Variants in MAEA observed in about 807,000 individuals in gnomAD.
MAEA encodes the protein macrophage erythroblast attacher, E3 ubiquitin ligase, also known as E3 ubiquitin-protein transferase MAEA.
Under a neutral mutation model 46.2 loss-of-function variants are expected in MAEA, and 22 were observed. The observed-to-expected ratio is 0.48, with a 90% CI of 0.34 to 0.68. MAEA has a LOEUF of 0.68. MAEA is among the 30% of genes least tolerant of loss of function. MAEA has a pLI of 0.01. For synonymous variants in MAEA, 246 were observed against 222.6 expected (o/e 1.11, Z -0.94); for missense variants, 393 against 558.1 (o/e 0.70, Z 2.98).
At chr4:1,327,788 GTCCTGGGACGTC>G in intron 5 of MAEA, 85 bp downstream of exon 5, 2 of 1,165,456 alleles carry the variant, frequency 1.7e-6, no homozygotes, top group East Asian at 4.8e-5. Flanking sequence ...CGTGGTCTGG[GTCCTGGGACGTC>G]CCCTGGGTCG....
chr4:1,300,427 C>G (rs769896520), intron 1 of MAEA, among the ~76,000 whole-genome samples: 2 of 152,194 alleles, frequency 1.3e-5, no homozygotes, highest in African/African-American at 2.4e-5. Flanking sequence ...ACAGCTGGCT[C>G]CCTTTGAAAT....
At chr4:1,318,786 C>G (rs1737643727) in intron 3 of MAEA, among the ~76,000 whole-genome samples, 1 of 152,138 alleles carries the variant, frequency 6.6e-6, no homozygotes, top group Non-Finnish European at 1.5e-5. Context: ...ACGTGGGACC[C>G]CAGTTTCCTA....
At chr4:1,310,053 T>C (rs2108900984) in intron 1 of MAEA, 1 of 1,104,440 alleles carries the variant, frequency 9.1e-7, no homozygotes, top group Middle Eastern at 3.8e-4. Flanking sequence ...TGCCGCTTTG[T>C]CTAATGGTCT....
intron 6 of MAEA, chr4:1,334,946 G>A (rs771543787): frequency 5.1e-6 from 5 of 985,224 alleles, no homozygotes; most frequent in Middle Eastern, 5.2e-4. Flanking sequence ...TAAGTGTGGT[G>A]TTTACCCTAA....
intron 4 of MAEA, among the ~76,000 whole-genome samples, chr4:1,324,834 G>C (rs1738596442): frequency 6.7e-6 from 1 of 148,946 alleles, no homozygotes; most frequent in Admixed American, 6.7e-5. Flanking sequence ...TGGTGGATGA[G>C]CGTGCCTGGT....
Position 1,339,579 on chromosome 4 carries a change from C to G in MAEA, c.*410C>G, listed in dbSNP as rs1479596084. ...CTGGTCCTTCACCACTTCCTGTTGG[C>G]CCTGGCCTGGCCGGGGAAGGTGGCA... is the stretch of plus-strand genomic sequence containing the variant. On this transcript the variant is annotated 3_prime_UTR_variant, in exon 9 of 9. Transcript: ENST00000303400. The G allele has an allele frequency of 3.3e-5, 7 of 212,286 alleles. No individual in the cohort carries two copies. The highest frequency in any genetic ancestry group is 4.8e-5 in the Non-Finnish European group (5 of 104,188). 13.2% of individuals were successfully genotyped at this position (212,286 alleles called of 1,614,324 possible). A position where few individuals can be genotyped will look rare whatever the true frequency, so the allele number is the denominator to read the frequency against.
chr4:1,301,080 C>T (rs1384002332), intron 1 of MAEA, among the ~76,000 whole-genome samples: 1 of 152,208 alleles, frequency 6.6e-6, no homozygotes, highest in African/African-American at 2.4e-5. Flanking sequence ...TTAGAAACCT[C>T]TTCTGGTTAA....
chr4:1,294,354 G>T (rs1734414540), intron 1 of MAEA, among the ~76,000 whole-genome samples: 1 of 152,256 alleles, frequency 6.6e-6, no homozygotes, highest in East Asian at 1.9e-4. Context: ...TAAGGATGTA[G>T]ACTTGAATTC....
Position 1,311,244 on chromosome 4 carries a change from GGAGCCCGGCCACGGAGGC to G in MAEA, c.70-734_70-717del, listed in dbSNP as rs1404365152. On this transcript the variant is annotated intron_variant, in intron 1 of 8. Transcript: ENST00000303400. This position sits in a 1 kb window ranked among gnomAD's most constrained non-coding sequence, Gnocchi z 4.4. ...AGGACCGCAGGTGGTGTTTCCTGCGGGAGCCCGGCCACGGAGGCCGGGGAGCGCTGGGGCGTGATTCTG... is the reference window on the plus strand; with the variant it reads ...AGGACCGCAGGTGGTGTTTCCTGCGGCGGGGAGCGCTGGGGCGTGATTCTG... Among the ~76,000 whole-genome samples the G allele has an allele frequency of 5.3e-5, 8 of 152,370 alleles. No individual in the cohort carries two copies. The highest frequency in any genetic ancestry group is 1.4e-4 in the African/African-American group (6 of 41,586).
At chr4:1,322,526 G>T (rs771552603) in intron 4 of MAEA, 23 bp downstream of exon 4, 2 of 1,612,662 alleles carry the variant, frequency 1.2e-6, no homozygotes, top group South Asian at 1.1e-5. Context: ...CCAGGTTGGG[G>T]TGGGAGTGGG....
chr4:1,331,053 C>A (rs1711712413), intron 5 of MAEA: 1 of 151,948 alleles, frequency 6.6e-6, no homozygotes, highest in South Asian at 2.1e-4. Flanking sequence ...GGTGAGATGC[C>A]CGTTGGCCGT....
intron 1 of MAEA, among the ~76,000 whole-genome samples, chr4:1,298,774 C>T (rs1431016398): frequency 6.6e-6 from 1 of 152,212 alleles, no homozygotes; most frequent in Non-Finnish European, 1.5e-5. Flanking sequence ...TCTGTGTATA[C>T]TGATGACTCC....
In MAEA at chr4:1,315,566, C is replaced by T. The variant is rs1171957436; in HGVS notation, c.422C>T (p.Thr141Met). Residue 141 changes from threonine to methionine, a missense_variant, in exon 3 of 9, where the codon ACG (threonine) becomes ATG (methionine). By Grantham distance (81) the Thr-to-Met change is moderately conservative (BLOSUM62 -1). Coordinates refer to ENST00000303400, the MANE Select transcript of MAEA (RefSeq NM_001017405.3). ...EHLLRCGYYNTAVKLARQSGI... is the reference protein window; with the variant it reads ...EHLLRCGYYNMAVKLARQSGI... ...CTGCTGCGTTGCGGCTACTACAACA[C>T]GGCTGTCAAGCTGGCGCGCCAGAGC... 6.2e-7 allele frequency: 1 copy of T among 1,613,492 alleles called. No homozygotes were observed.
chr4:1,291,875 G>A (rs957228645), intron 1 of MAEA, among the ~76,000 whole-genome samples: 9 of 152,176 alleles, frequency 5.9e-5, no homozygotes, highest in Non-Finnish European at 1.0e-4. Context: ...ATATTATAGT[G>A]TCATAATTTC....
intron 5 of MAEA, 82 bp from the exon 6 acceptor site, chr4:1,332,675 G>C: frequency 1.9e-6 from 2 of 1,064,980 alleles, no homozygotes; most frequent in South Asian, 1.4e-5. Flanking sequence ...CTGCACTGCA[G>C]CCTGGGTGAC....
chr4:1,313,223 T>G (rs1237089482), intron 2 of MAEA, among the ~76,000 whole-genome samples: 2 of 152,162 alleles, frequency 1.3e-5, no homozygotes, highest in African/African-American at 2.4e-5. Context: ...CAATTCAGAT[T>G]CTTTCTTGGG....
At chr4:1,303,990 A>G (rs1735590518) in intron 1 of MAEA, among the ~76,000 whole-genome samples, 1 of 151,574 alleles carries the variant, frequency 6.6e-6, no homozygotes, top group African/African-American at 2.4e-5. Context: ...GTAGCTCTGC[A>G]CACAGGAGTC....
chr4:1,327,542 G>C (rs1039364665), intron 4 of MAEA, 85 bp from the exon 5 acceptor site: 9 of 889,910 alleles, frequency 1.0e-5, no homozygotes, highest in African/African-American at 1.6e-5. Flanking sequence ...TGTGGGGTCT[G>C]CTGGTGGACA....
intron 1 of MAEA, among the ~76,000 whole-genome samples, chr4:1,308,489 TC>T (rs1223168680): frequency 1.3e-5 from 2 of 152,148 alleles, no homozygotes; most frequent in Non-Finnish European, 2.9e-5. Context: ...TGCCTAACGT[TC>T]TGAGGAATTG....
Sources: gnomAD v4.1 joint callset for allele counts (sites outside exome capture counted in the v4.1 genomes callset) on GRCh38, gnomAD v4.1.1 for gene constraint, Gnocchi (gnomAD v3.1) non-coding constraint, MANE v1.5 for transcripts, NCBI Gene and HGNC (gene_info 2026-07-23, HGNC 2026-07-21) for gene names.